NCK2: variants seen among roughly 807,000 people sequenced by gnomAD.
NCK2 encodes cytoplasmic protein NCK2.
NCK2 carries 16 observed loss-of-function variants against 33.9 expected under a neutral mutation model. The observed-to-expected ratio is 0.47, with a 90% CI of 0.32 to 0.72. The LOEUF (loss-of-function observed/expected upper bound fraction) is 0.72, where lower values mean the gene tolerates loss of function less well. NCK2 is among the 30% of genes least tolerant of loss of function. The pLI is 0.03. For synonymous variants in NCK2, 273 were observed against 239.9 expected, an observed-to-expected ratio of 1.14 and a Z score of -1.27; for missense variants, 418 against 537.3, an observed-to-expected ratio of 0.78 and a Z score of 2.19.
intron 3 of NCK2, among the ~76,000 whole-genome samples, chr2:105,875,286 T>G (rs570383330): frequency 4.6e-5 from 7 of 152,296 alleles, no homozygotes; most frequent in Non-Finnish European, 8.8e-5. Context: ...TGGAGCACAC[T>G]GTCAAGCACC....
chr2:105,797,409 G>C (rs1414917708), intron 1 of NCK2, among the ~76,000 whole-genome samples: 1 of 152,202 alleles, frequency 6.6e-6, no homozygotes, highest in Non-Finnish European at 1.5e-5. Flanking sequence ...ATTGTGCAAT[G>C]CAAGGGCAGA....
rs956134531 is a variant in NCK2, at chr2:105,893,439, G to C, written c.*263G>C. The C allele has an allele frequency of 4.8e-6, 2 of 420,608 alleles. No individual in the cohort carries two copies. The highest frequency in any genetic ancestry group is 8.8e-6 in the Non-Finnish European group (2 of 228,174). 26.1% of individuals were successfully genotyped at this position (420,608 alleles called of 1,614,324 possible). A position where few individuals can be genotyped will look rare whatever the true frequency, so the allele number is the denominator to read the frequency against. Reference sequence around the variant, plus strand: ...TCCTTTTCCATCGGAAGTGGCGCTCGTGCATTCAACTCGTTCCCGCTCATG... The same window carrying C: ...TCCTTTTCCATCGGAAGTGGCGCTCCTGCATTCAACTCGTTCCCGCTCATG... On this transcript the variant is annotated 3_prime_UTR_variant, in exon 5 of 5. Transcript: ENST00000233154.
Position 105,861,930 on chromosome 2 carries a change from TCC to T in NCK2, c.226+6643_226+6644del. On this transcript the variant is annotated intron_variant, in intron 3 of 4. Transcript: ENST00000233154. Reference sequence around the variant, plus strand: ...CTCCCTCCCTCCCTCCCTCCCTCCCTCCCTCCTGCCCGCTCCCCCCTTCCCTT... The same window carrying T: ...CTCCCTCCCTCCCTCCCTCCCTCCCTCTCCTGCCCGCTCCCCCCTTCCCTT... 7.2e-5 allele frequency among the ~76,000 whole-genome samples: 3 copies of T among 41,882 alleles called. No homozygotes were observed. The South Asian group carries it at 2.6e-3, about 37-fold the overall frequency. The allele number at this position is 41,882 out of a possible 152,430, so 27.5% of individuals were successfully genotyped here.
chr2:105,783,607 G>T (rs889233249), intron 1 of NCK2, among the ~76,000 whole-genome samples: 1 of 152,082 alleles, frequency 6.6e-6, no homozygotes, highest in East Asian at 1.9e-4. Context: ...ATAATGGTGT[G>T]TTTTTTCCAC....
intron 2 of NCK2, chr2:105,854,823 A>G (rs1677195745): frequency 6.8e-6 from 3 of 443,838 alleles, no homozygotes; most frequent in Non-Finnish European, 1.2e-5. Flanking sequence ...CCCCATGTAC[A>G]GCAAACAGTA....
chr2:105,825,457 T>C (rs1293706212), intron 2 of NCK2, among the ~76,000 whole-genome samples: 1 of 152,136 alleles, frequency 6.6e-6, no homozygotes, highest in Non-Finnish European at 1.5e-5. Flanking sequence ...CAAAATATAA[T>C]GGAGAAGTAG....
chr2:105,881,344 C>G lies in NCK2; in HGVS notation c.243C>G (p.Arg81=). 4 of 1,599,576 alleles carry G rather than the reference C, an allele frequency of 2.5e-6. No individual in the cohort carries two copies. The highest frequency in any genetic ancestry group is 2.6e-6 in the Non-Finnish European group (3 of 1,175,982). The part of the protein sequence containing the change: ...LKDTLGLGKT[R]RKTSARDASP... ...TCTCCACAGGCCTCGGCAAGACGCG[C>G]AGGAAGACCAGCGCGCGGGATGCGT... Residue 81 remains arginine (R), a synonymous_variant, in exon 4 of 5, where the codon CGC becomes CGG. Transcript: ENST00000233154.
intron 1 of NCK2, among the ~76,000 whole-genome samples, chr2:105,755,502 G>A (rs1689574713): frequency 1.3e-5 from 2 of 152,174 alleles, no homozygotes; most frequent in Non-Finnish European, 2.9e-5. Flanking sequence ...TTTCATGAGT[G>A]CCTCCGGTTG....
intron 1 of NCK2, among the ~76,000 whole-genome samples, chr2:105,790,810 C>G (rs570826592): frequency 6.6e-6 from 1 of 152,170 alleles, no homozygotes; most frequent in Non-Finnish European, 1.5e-5. Flanking sequence ...ATAGGCAAGA[C>G]TTGGGTGGAG....
At chr2:105,831,294 G>A (rs551317775) in intron 2 of NCK2, among the ~76,000 whole-genome samples, 4 of 152,104 alleles carry the variant, frequency 2.6e-5, no homozygotes, top group East Asian at 3.9e-4. Context: ...AGATTTGTAG[G>A]AAACCGCAAA....
At chr2:105,868,559 A>G (rs1677851837) in intron 3 of NCK2, among the ~76,000 whole-genome samples, 1 of 152,190 alleles carries the variant, frequency 6.6e-6, no homozygotes, top group Non-Finnish European at 1.5e-5. Context: ...AATTAGTGGT[A>G]AACATGCAGT....
intron 2 of NCK2, among the ~76,000 whole-genome samples, chr2:105,824,632 C>T (rs17031843): frequency 0.011 from 1,710 of 152,228 alleles, 36 homozygotes; most frequent in African/African-American, 0.039. Context: ...GTCTCGGCGG[C>T]GTGTGCTTAG....
At chr2:105,859,445 G>A (rs1234387148) in intron 3 of NCK2, among the ~76,000 whole-genome samples, 1 of 152,158 alleles carries the variant, frequency 6.6e-6, no homozygotes. Context: ...TCACTCCTCA[G>A]CATTCCTCCC....
intron 1 of NCK2, among the ~76,000 whole-genome samples, chr2:105,751,170 A>AT (rs1689442383): frequency 6.6e-6 from 1 of 152,120 alleles, no homozygotes; most frequent in Non-Finnish European, 1.5e-5. Context: ...ATCCCAAACC[A>AT]TTTGCAGCTT....
At chr2:105,832,439 A>G (rs1248332859) in intron 2 of NCK2, among the ~76,000 whole-genome samples, 2 of 152,238 alleles carry the variant, frequency 1.3e-5, no homozygotes, top group East Asian at 1.9e-4. Context: ...TTGCCTATTC[A>G]GTATGATGTT....
intron 1 of NCK2, among the ~76,000 whole-genome samples, chr2:105,773,369 G>A (rs752248805): frequency 6.6e-6 from 1 of 151,934 alleles, no homozygotes; most frequent in Admixed American, 6.6e-5. Context: ...TCTGGTACAC[G>A]TGCCGGCCTC....
At chr2:105,775,064 G>T (rs965631316) in intron 1 of NCK2, among the ~76,000 whole-genome samples, 5 of 152,128 alleles carry the variant, frequency 3.3e-5, no homozygotes, top group Admixed American at 1.3e-4. Context: ...ATGGATTCAT[G>T]TAGAAATTGA....
chr2:105,893,510 G>A lies in NCK2; in HGVS notation c.*334G>A, dbSNP rs1212410079. ...GCAGGGCACCTGTGAGCGCAGGAGC[G>A]AGCCTAAGGCCACCCAGCGGCAGCG... On this transcript the variant is annotated 3_prime_UTR_variant, in exon 5 of 5. Coordinates refer to ENST00000233154, the MANE Select transcript of NCK2 (RefSeq NM_003581.5). 12 of 276,238 alleles carry A rather than the reference G, an allele frequency of 4.3e-5. No individual in the cohort carries two copies. Among genetic ancestry groups the A allele is most frequent in the South Asian group, 3.0e-4 (6 of 19,946 alleles). 17.1% of individuals were successfully genotyped at this position (276,238 alleles called of 1,614,324 possible). A position where few individuals can be genotyped will look rare whatever the true frequency, so the allele number is the denominator to read the frequency against.
At chr2:105,799,006 T>G (rs1691177968) in intron 1 of NCK2, among the ~76,000 whole-genome samples, 1 of 152,154 alleles carries the variant, frequency 6.6e-6, no homozygotes, top group African/African-American at 2.4e-5. Context: ...TTCATCAGTT[T>G]GAAGGCCTTA....
Sources: gnomAD v4.1 joint callset for allele counts (sites outside exome capture counted in the v4.1 genomes callset) on GRCh38, gnomAD v4.1.1 for gene constraint, MANE v1.5 for transcripts, NCBI Gene and HGNC (gene_info 2026-07-23, HGNC 2026-07-21) for gene names.